The following CD99L2 variants were observed in gnomAD, a reference collection of about 807,000 sequenced individuals.
CD99L2 encodes the protein CD99 molecule like 2.
In CD99L2, 24 loss-of-function variants were observed where a neutral mutation model predicts 27.3. The ratio of observed to expected loss-of-function variants is 0.88; its 90% CI spans 0.64 to 1.24. CD99L2 has a LOEUF of 1.24. Among genes scored for constraint, CD99L2 ranks in the 50% most tolerant of loss-of-function variants. The pLI, the probability that CD99L2 is intolerant of heterozygous loss-of-function variation, is 0.00. For synonymous variants in CD99L2, 97 were observed against 87.9 expected, an observed-to-expected ratio of 1.10 and a Z score of -0.58; for missense variants, 255 against 221.6, an observed-to-expected ratio of 1.15 and a Z score of -0.96.
intron 2 of CD99L2, among the ~76,000 whole-genome samples, chrX:150,826,270 T>G (rs2046365806): frequency 8.9e-6 from 1 of 111,758 alleles, no homozygotes; most frequent in Non-Finnish European, 1.9e-5. Flanking sequence ...CAAAGGCATT[T>G]TGTTATGGCA....
chrX:150,824,965 C>T (rs997255627), intron 2 of CD99L2, among the ~76,000 whole-genome samples: 6 of 111,835 alleles, frequency 5.4e-5, no homozygotes, highest in African/African-American at 1.9e-4. Context: ...ACCACACACC[C>T]CAGTGAATGG....
chrX:150,776,450 A>C (rs2043555395), intron 8 of CD99L2, among the ~76,000 whole-genome samples, 157 bp from the exon 9 acceptor site: 1 of 111,792 alleles, frequency 8.9e-6, no homozygotes, highest in African/African-American at 3.3e-5. Flanking sequence ...GATCTACGGC[A>C]TTACAAAGAC....
chrX:150,884,838 T>A (rs2047383274), intron 1 of CD99L2, among the ~76,000 whole-genome samples: 1 of 112,234 alleles, frequency 8.9e-6, no homozygotes, highest in South Asian at 3.7e-4. Flanking sequence ...CTGGCAGCAC[T>A]ACTTAAAATG....
intron 4 of CD99L2, among the ~76,000 whole-genome samples, chrX:150,809,876 C>G (rs1462806510): frequency 9.0e-6 from 1 of 111,617 alleles, no homozygotes; most frequent in Non-Finnish European, 1.9e-5. Flanking sequence ...AAAAGTAACA[C>G]AACACAATGA....
intron 7 of CD99L2, among the ~76,000 whole-genome samples, chrX:150,781,777 T>G (rs2045515723): frequency 8.9e-6 from 1 of 112,148 alleles, no homozygotes. Flanking sequence ...CTCATAGCTA[T>G]AGGAACCTCT....
intron 4 of CD99L2, among the ~76,000 whole-genome samples, chrX:150,805,294 A>T (rs1403368575): frequency 9.0e-6 from 1 of 111,677 alleles, no homozygotes; most frequent in Non-Finnish European, 1.9e-5. Context: ...ATAGAAGCAT[A>T]GAGCAGAATA....
intron 1 of CD99L2, among the ~76,000 whole-genome samples, chrX:150,852,417 C>T (rs1273255772): frequency 1.8e-5 from 2 of 109,740 alleles, no homozygotes; most frequent in African/African-American, 6.6e-5. Context: ...TCCCTCTGCC[C>T]GGAAGACTCC....
chrX:150,830,429 A>G (rs1348212752), intron 2 of CD99L2, among the ~76,000 whole-genome samples: 10 of 110,955 alleles, frequency 9.0e-5, no homozygotes, highest in Admixed American at 2.9e-4. Context: ...GCACACACCT[A>G]TAGTTCCAGC....
At chrX:150,824,393 GAAGAAGA>G (rs1333870738) in intron 2 of CD99L2, among the ~76,000 whole-genome samples, 2 of 98,028 alleles carry the variant, frequency 2.0e-5, no homozygotes, top group Non-Finnish European at 2.0e-5. Flanking sequence ...AGAAGAAGAA[GAAGAAGA>G]AAGAAGAAGA....
At chrX:150,769,173 C>T in intron 10 of CD99L2, 72 bp from the exon 11 acceptor site, 1 of 1,079,634 alleles carries the variant, frequency 9.3e-7, no homozygotes, top group East Asian at 3.5e-5. Context: ...CAGCAGCAAG[C>T]CCGTGCTGGG....
chrX:150,811,698 T>C (rs2046074462), intron 4 of CD99L2, among the ~76,000 whole-genome samples: 1 of 112,144 alleles, frequency 8.9e-6, no homozygotes, highest in African/African-American at 3.2e-5. Context: ...ATATTCCAAA[T>C]GATTTTTTTA....
intron 1 of CD99L2, among the ~76,000 whole-genome samples, chrX:150,851,494 C>CT (rs2046792603): frequency 8.9e-6 from 1 of 112,137 alleles, no homozygotes; most frequent in Non-Finnish European, 1.9e-5. Context: ...CCACACATGC[C>CT]TGCCCCTAAG....
At chrX:150,776,393 T>C in intron 8 of CD99L2, 100 bp from the exon 9 acceptor site, 1 of 977,322 alleles carries the variant, frequency 1.0e-6, no homozygotes, top group Non-Finnish European at 1.4e-6. Context: ...ACCAAACTAC[T>C]AGACGCCCCC....
At chrX:150,778,015 G>T (rs2045430816) in intron 7 of CD99L2, among the ~76,000 whole-genome samples, 1 of 112,106 alleles carries the variant, frequency 8.9e-6, no homozygotes, top group South Asian at 3.7e-4. Context: ...GAGAACAGAT[G>T]AATGCTGGCA....
At chrX:150,829,676 T>C (rs1467809732) in intron 2 of CD99L2, 5 of 215,889 alleles carry the variant, frequency 2.3e-5, no homozygotes, top group African/African-American at 1.5e-4. Context: ...CTCACACCTG[T>C]TAACATTAAA....
Position 150,848,114 on chromosome X carries a change from C to A in CD99L2, c.68-16821G>T, listed in dbSNP as rs909341343. Among the ~76,000 whole-genome samples, 4 of 106,602 alleles carry A rather than the reference C, an allele frequency of 3.8e-5. No individual in the cohort carries two copies. In the South Asian group the frequency reaches 1.4e-3, roughly 37 times the overall value. The allele number at this position is 106,602 out of a possible 115,157, so 92.6% of individuals were successfully genotyped here. On this transcript the variant is annotated intron_variant, in intron 1 of 10. Transcript: ENST00000370377. Reference sequence around the variant, plus strand: ...TATGCCTAACTATGGCCTGCAGGCCCCCCCCCCCTTGTACTATACCTCTCA... The same window carrying A: ...TATGCCTAACTATGGCCTGCAGGCCACCCCCCCCTTGTACTATACCTCTCA...
intron 3 of CD99L2, among the ~76,000 whole-genome samples, chrX:150,815,375 G>A (rs1023347934): frequency 4.5e-5 from 5 of 111,864 alleles, no homozygotes; most frequent in Admixed American, 2.9e-4. Flanking sequence ...TCATAAAGCA[G>A]CAGTGACTTT....
At chrX:150,816,378 C>T (rs1423904893) in intron 2 of CD99L2, 10 of 312,614 alleles carry the variant, frequency 3.2e-5, no homozygotes, top group East Asian at 1.9e-4. Flanking sequence ...GGAGATGGCA[C>T]GTGGTCCAGG....
intron 7 of CD99L2, among the ~76,000 whole-genome samples, chrX:150,779,174 T>G (rs2045468652): frequency 8.9e-6 from 1 of 112,232 alleles, no homozygotes; most frequent in Non-Finnish European, 1.9e-5. Flanking sequence ...CAACAGGCTG[T>G]GAGAAGAAAC....
Sources: allele counts gnomAD v4.1 joint callset (sites outside exome capture counted in the v4.1 genomes callset), GRCh38; gene constraint gnomAD v4.1.1; transcripts MANE v1.5; gene names NCBI Gene and HGNC (gene_info 2026-07-23, HGNC 2026-07-21).